The following ADGRE5 variants were observed in gnomAD, a reference collection of about 807,000 sequenced individuals.
ADGRE5 encodes adhesion G protein-coupled receptor E5, also known as CD97 molecule.
In ADGRE5, 72 loss-of-function variants were observed where a neutral mutation model predicts 100.3. The observed-to-expected ratio is 0.72, with a 90% CI of 0.59 to 0.87. The LOEUF (loss-of-function observed/expected upper bound fraction) is 0.87, where lower values mean the gene tolerates loss of function less well. Among genes scored for constraint, ADGRE5 ranks in the 40% least tolerant of loss-of-function variants. ADGRE5 has a pLI of 0.00. For missense variants in ADGRE5, 959 were observed against 1,094.7 expected (o/e 0.88, Z 1.75); for synonymous variants, 439 against 447.8 (o/e 0.98, Z 0.25).
intron 4 of ADGRE5, among the ~76,000 whole-genome samples, chr19:14,391,760 AG>A (rs1975608797): frequency 6.6e-6 from 1 of 151,558 alleles, no homozygotes; most frequent in South Asian, 2.1e-4. Flanking sequence ...ATCAAACCAA[AG>A]CTTTCTTGGA....
Position 14,402,835 on chromosome 19 carries a change from G to C in ADGRE5, c.1422G>C (p.Gly474=), listed in dbSNP as rs1343456747. The C allele has an allele frequency of 1.3e-5, 21 of 1,613,854 alleles. No individual in the cohort carries two copies. The highest frequency in any genetic ancestry group is 1.7e-5 in the Non-Finnish European group (20 of 1,179,992). ...TCTCCCACCTTGAGTCCTCCGATGG[G>C]GAGGCGGGAAGAGACCCTCCTGCCA... ...FAFSHLESSD[G]EAGRDPPAKD... Residue 474 remains glycine (G), a synonymous_variant, in exon 12 of 20, where the codon GGG becomes GGC. Transcript: ENST00000242786.
At position 14,401,896 on chromosome 19, in the gene ADGRE5, C is replaced by T. The variant is rs570700992; in HGVS notation, c.1183+136C>T. 68 of 537,722 alleles carry T rather than the reference C, an allele frequency of 1.3e-4. 1 individual carries two copies. The East Asian group carries it at 2.2e-3, about 18-fold the overall frequency. 33.3% of individuals were successfully genotyped at this position (537,722 alleles called of 1,614,324 possible). ...CTGCAATCCCAGCATTTTGGGAGGC[C>T]CAGGTGGGTAGATCGCTTGAGCTCA... On this transcript the variant is annotated intron_variant, in intron 11 of 19. Coordinates refer to ENST00000242786, the MANE Select transcript of ADGRE5 (RefSeq NM_078481.4). The surrounding 1 kb of genome is among the most constrained non-coding windows in gnomAD (Gnocchi z 4.1).
intron 1 of ADGRE5, among the ~76,000 whole-genome samples, chr19:14,383,560 T>C (rs1016766499): frequency 2.0e-5 from 3 of 151,906 alleles, no homozygotes; most frequent in Non-Finnish European, 4.4e-5. Flanking sequence ...AAGACACTAG[T>C]GGGTCTGGGG....
At chr19:14,398,306 G>A (rs552041144) in intron 9 of ADGRE5, 167 bp downstream of exon 9, 34 of 641,718 alleles carry the variant, frequency 5.3e-5, no homozygotes, top group African/African-American at 3.1e-4. Context: ...ATACACACCC[G>A]GACACGTGAA....
In ADGRE5 at chr19:14,407,209, C is replaced by T. The variant is rs1413711189; in HGVS notation, c.2356C>T (p.His786Tyr). ...GCAGGGCGCCTTCCTCTACCTGCTGCACTGCCTGCTCAACAAGAAGGTGGG... is the reference window on the plus strand; with the variant it reads ...GCAGGGCGCCTTCCTCTACCTGCTGTACTGCCTGCTCAACAAGAAGGTGGG... ...CLQGAFLYLL[H>Y]CLLNKKVREE... is the part of the protein sequence containing the mutation. The change falls in exon 18 of 20, where the codon CAC becomes TAC. Residue 786 changes from histidine to tyrosine, a missense_variant. Physicochemically the swap from His to Tyr is moderately conservative, Grantham distance 83. Coordinates refer to ENST00000242786, the MANE Select transcript of ADGRE5 (RefSeq NM_078481.4). The T allele has an allele frequency of 6.2e-7, 1 of 1,613,912 alleles. No individual in the cohort carries two copies. Among genetic ancestry groups the T allele is most frequent in the Non-Finnish European group, 8.5e-7 (1 of 1,180,002 alleles).
intron 1 of ADGRE5, among the ~76,000 whole-genome samples, chr19:14,384,900 G>T (rs1269176787): frequency 6.9e-6 from 1 of 145,918 alleles, no homozygotes; most frequent in African/African-American, 2.6e-5. Context: ...TCTCTCTCCA[G>T]CTTGTCTCCT....
chr19:14,399,563 CAAAA>C (rs764605166), intron 9 of ADGRE5, among the ~76,000 whole-genome samples: 106 of 31,842 alleles, frequency 3.3e-3, no homozygotes, highest in African/African-American at 0.01. Context: ...GACTCCGTCT[CAAAA>C]AAAAAAAAAA....
In ADGRE5 at chr19:14,401,581, C is replaced by T; in HGVS notation, c.1075+18C>T. 1 of 1,612,102 alleles carries T rather than the reference C, an allele frequency of 6.2e-7. No individual in the cohort carries two copies. The highest frequency in any genetic ancestry group is 8.5e-7 in the Non-Finnish European group (1 of 1,178,724). On this transcript the variant is annotated intron_variant, in intron 10 of 19. Transcript: ENST00000242786. This position sits in a 1 kb window ranked among gnomAD's most constrained non-coding sequence, Gnocchi z 4.1. ...GAACACAGGTGAGGCCTTGGCCTGG[C>T]CTGCCCTGCCCCAACCCTGGGCCCC...
Position 14,397,719 on chromosome 19 carries a change from C to T in ADGRE5, c.687C>T (p.Thr229=), listed in dbSNP as rs766310881. ...ACAGCTCCACCGTCTGCTTCAACAC[C>T]GTGGGTTCATACAGCTGCCGCTGCC... ...QCDSSTVCFN[T]VGSYSCRCRP... The change falls in exon 7 of 20, where the codon ACC becomes ACT. Residue 229 remains threonine, a synonymous_variant. Transcript: ENST00000242786. The T allele has an allele frequency of 1.8e-5, 27 of 1,481,056 alleles. No individual in the cohort carries two copies. Among genetic ancestry groups the T allele is most frequent in the Middle Eastern group, 1.9e-4 (1 of 5,176 alleles). The allele number at this position is 1,481,056 out of a possible 1,614,324, so 91.7% of individuals were successfully genotyped here.
intron 4 of ADGRE5, 26 bp from the exon 5 acceptor site, chr19:14,396,316 C>A: frequency 6.8e-7 from 1 of 1,461,466 alleles, no homozygotes; most frequent in Non-Finnish European, 9.2e-7. Context: ...CTACGGGCAT[C>A]CTTCACCCTC....
At chr19:14,395,165 G>A (rs549271958) in intron 4 of ADGRE5, among the ~76,000 whole-genome samples, 44 of 152,266 alleles carry the variant, frequency 2.9e-4, no homozygotes, top group African/African-American at 7.5e-4. Context: ...GCCGGGCGCA[G>A]TGGCACGCAC....
intron 13 of ADGRE5, 73 bp downstream of exon 13, chr19:14,404,635 C>T (rs1417308200): frequency 3.5e-6 from 5 of 1,428,212 alleles, no homozygotes; most frequent in Non-Finnish European, 4.8e-6. Flanking sequence ...GCAGCTAGTT[C>T]TCCATGGAGC....
At chr19:14,387,743 T>C (rs1227193699) in intron 1 of ADGRE5, among the ~76,000 whole-genome samples, 1 of 151,112 alleles carries the variant, frequency 6.6e-6, no homozygotes, top group Non-Finnish European at 1.5e-5. Flanking sequence ...AAAAAATTAT[T>C]TTTAATTTTT....
At chr19:14,390,700 T>G (rs1975571321) in intron 3 of ADGRE5, among the ~76,000 whole-genome samples, 2 of 152,196 alleles carry the variant, frequency 1.3e-5, no homozygotes, top group Non-Finnish European at 2.9e-5. Flanking sequence ...ACCTCAGCAC[T>G]GTTCACTGTG....
chr19:14,382,481 C>G (rs1240130391), intron 1 of ADGRE5, among the ~76,000 whole-genome samples: 3 of 152,202 alleles, frequency 2.0e-5, no homozygotes, highest in Non-Finnish European at 4.4e-5. Flanking sequence ...TGGAGCACAA[C>G]CCGTCTCCGT....
rs202050948 is a variant in ADGRE5, at chr19:14,388,817, C to T, written c.189C>T (p.Asp63=). 2.8e-5 allele frequency: 45 copies of T among 1,612,924 alleles called. No individual in the cohort carries two copies. Among genetic ancestry groups the T allele is most frequent in the Middle Eastern group, 1.7e-4 (1 of 6,056 alleles). The change falls in exon 3 of 20, where the codon GAC becomes GAT. Residue 63 remains aspartate, a splice_region_variant and synonymous_variant. Coordinates refer to ENST00000242786, the MANE Select transcript of ADGRE5 (RefSeq NM_078481.4). ...EIITTPTETC[D]DINECATPSK... ...TCACCACCCCGACGGAGACTTGTGA[C>T]GGTACAGAGGCTTGAGGGCAGCGCA... is the stretch of plus-strand genomic sequence containing the variant.
intron 4 of ADGRE5, among the ~76,000 whole-genome samples, chr19:14,395,414 G>A (rs564567592): frequency 2.0e-5 from 3 of 152,040 alleles, no homozygotes; most frequent in Admixed American, 6.5e-5. Context: ...TCCCAGGCCC[G>A]ATCCTCTCCT....
chr19:14,392,560 A>G (rs184454667), intron 4 of ADGRE5, among the ~76,000 whole-genome samples: 51 of 152,294 alleles, frequency 3.3e-4, no homozygotes, highest in Admixed American at 2.2e-3. Flanking sequence ...TTAAAAGGTT[A>G]AAGTTACTTT....
intron 9 of ADGRE5, among the ~76,000 whole-genome samples, chr19:14,400,674 C>G (rs1222846013): frequency 2.6e-5 from 4 of 151,916 alleles, no homozygotes; most frequent in Admixed American, 2.0e-4. Context: ...CACCTGTAGT[C>G]CTAGCTACTA....
Sources: allele counts gnomAD v4.1 joint callset (sites outside exome capture counted in the v4.1 genomes callset), GRCh38; gene constraint gnomAD v4.1.1; non-coding constraint Gnocchi (gnomAD v3.1); transcripts MANE v1.5; gene names NCBI Gene and HGNC (gene_info 2026-07-23, HGNC 2026-07-21).